Variants in CSMD1 observed in about 807,000 individuals in gnomAD.
The protein encoded by CSMD1 is CUB and sushi domain-containing protein 1.
CSMD1 carries 213 observed loss-of-function variants against 417.5 expected under a neutral mutation model. The observed-to-expected ratio is 0.51, with a 90% CI of 0.46 to 0.57. The LOEUF (loss-of-function observed/expected upper bound fraction) is 0.57, where lower values mean the gene tolerates loss of function less well. Among genes scored for constraint, CSMD1 ranks in the 20% least tolerant of loss-of-function variants. The pLI is 0.00. For synonymous variants in CSMD1, 2,862 were observed against 1,736.8 expected (o/e 1.65, Z -16.11); for missense variants, 6,923 against 4,529.7 (o/e 1.53, Z -15.17).
intron 1 of CSMD1, among the ~76,000 whole-genome samples, chr8:4,765,066 A>G (rs890690577): frequency 2.6e-5 from 4 of 152,132 alleles, no homozygotes; most frequent in African/African-American, 9.7e-5. Flanking sequence ...GCTATCACAC[A>G]GCATGAGGAA....
At chr8:4,180,943 T>C (rs1798336175) in intron 3 of CSMD1, among the ~76,000 whole-genome samples, 1 of 152,148 alleles carries the variant, frequency 6.6e-6, no homozygotes, top group Admixed American at 6.5e-5. Context: ...CCCCACTCTG[T>C]TAATTAAGCC....
intron 1 of CSMD1, among the ~76,000 whole-genome samples, chr8:4,833,157 C>T (rs1029381255): frequency 6.6e-6 from 1 of 152,104 alleles, no homozygotes; most frequent in African/African-American, 2.4e-5. Context: ...CTGTATTAGT[C>T]CATTCTCACA....
At chr8:4,072,172 A>G (rs1364364469) in intron 3 of CSMD1, among the ~76,000 whole-genome samples, 1 of 152,154 alleles carries the variant, frequency 6.6e-6, no homozygotes, top group Non-Finnish European at 1.5e-5. Flanking sequence ...TAGTGCTACT[A>G]GTTTCCAGGT....
chr8:3,625,924 AAG>A (rs1336374559), intron 7 of CSMD1, among the ~76,000 whole-genome samples: 1 of 152,246 alleles, frequency 6.6e-6, no homozygotes, highest in Non-Finnish European at 1.5e-5. Context: ...TAAATGTTCA[AAG>A]AGAAAATGTT....
At chr8:4,423,718 G>C (rs1446761640) in intron 2 of CSMD1, among the ~76,000 whole-genome samples, 1 of 145,414 alleles carries the variant, frequency 6.9e-6, no homozygotes, top group African/African-American at 2.5e-5. Context: ...TAAAATTTAT[G>C]TGGGAAGGCA....
At chr8:4,940,137 C>T (rs753627244) in intron 1 of CSMD1, among the ~76,000 whole-genome samples, 1 of 152,046 alleles carries the variant, frequency 6.6e-6, no homozygotes, top group Non-Finnish European at 1.5e-5. Context: ...CCTGTGAGAG[C>T]AGGGAGGGGT....
At chr8:4,378,792 T>C (rs562932191) in intron 3 of CSMD1, among the ~76,000 whole-genome samples, 27 of 152,298 alleles carry the variant, frequency 1.8e-4, no homozygotes, top group Non-Finnish European at 3.2e-4. Context: ...ACTGCCCTTG[T>C]AAGACGTCAA....
intron 2 of CSMD1, among the ~76,000 whole-genome samples, chr8:4,583,065 C>G (rs944122533): frequency 1.2e-4 from 18 of 152,304 alleles, no homozygotes; most frequent in Admixed American, 4.6e-4. Context: ...TGCCTTCCCG[C>G]GGGGCAGGGC....
chr8:4,179,913 A>C (rs888618469), intron 3 of CSMD1, among the ~76,000 whole-genome samples: 2 of 152,172 alleles, frequency 1.3e-5, no homozygotes, highest in African/African-American at 4.8e-5. Flanking sequence ...GCGATCATTA[A>C]AAAGTCAGGA....
chr8:4,816,990 C>A (rs149163926), intron 1 of CSMD1, among the ~76,000 whole-genome samples: 3 of 152,150 alleles, frequency 2.0e-5, no homozygotes, highest in East Asian at 1.9e-4. Context: ...CTGCACCAAA[C>A]ACAGATAAGA....
chr8:3,478,599 G>A (rs546449670), intron 11 of CSMD1, among the ~76,000 whole-genome samples: 39 of 152,224 alleles, frequency 2.6e-4, no homozygotes, highest in African/African-American at 8.4e-4. Flanking sequence ...ACAAACAGAA[G>A]GCCACTCCGA....
At chr8:4,910,302 C>T (rs1232057186) in intron 1 of CSMD1, among the ~76,000 whole-genome samples, 1 of 152,190 alleles carries the variant, frequency 6.6e-6, no homozygotes, top group East Asian at 1.9e-4. Context: ...TTGATTTATA[C>T]AACTTTATAA....
At chr8:4,606,052 G>T (rs1051825715) in intron 2 of CSMD1, among the ~76,000 whole-genome samples, 4 of 152,164 alleles carry the variant, frequency 2.6e-5, no homozygotes, top group African/African-American at 9.7e-5. Flanking sequence ...TTCTATTTTG[G>T]AAGCCTGAGA....
chr8:3,067,694 T>C (rs897741644), intron 49 of CSMD1, among the ~76,000 whole-genome samples: 5 of 151,204 alleles, frequency 3.3e-5, no homozygotes, highest in African/African-American at 1.2e-4. Context: ...CTAGATTGTA[T>C]ATGAAATATA....
chr8:3,188,036 TG>T, intron 35 of CSMD1, 71 bp from the exon 36 acceptor site: 3 of 1,171,582 alleles, frequency 2.6e-6, no homozygotes, highest in Non-Finnish European at 3.7e-6. Context: ...GATGGGGTTT[TG>T]GGGTTTTTCA....
chr8:3,591,444 G>C (rs1021150230), intron 8 of CSMD1, among the ~76,000 whole-genome samples: 1 of 152,258 alleles, frequency 6.6e-6, no homozygotes, highest in Admixed American at 6.5e-5. Context: ...GGTTCTCATA[G>C]AGCATAACTA....
At chr8:4,097,185 C>A (rs1050044948) in intron 3 of CSMD1, among the ~76,000 whole-genome samples, 2 of 152,098 alleles carry the variant, frequency 1.3e-5, no homozygotes, top group African/African-American at 4.8e-5. Flanking sequence ...GCTCAATAAG[C>A]AATTGCTGAT....
chr8:3,964,176 T>C (rs916450197), intron 5 of CSMD1, among the ~76,000 whole-genome samples: 11 of 152,194 alleles, frequency 7.2e-5, no homozygotes, highest in African/African-American at 2.2e-4. Context: ...TCTTAACAAG[T>C]AAACATTAAA....
chr8:4,973,860 G>T (rs1375868736), intron 1 of CSMD1, among the ~76,000 whole-genome samples: 1 of 152,056 alleles, frequency 6.6e-6, no homozygotes, highest in Non-Finnish European at 1.5e-5. Flanking sequence ...TCAAATCAAC[G>T]TGACAAATCC....
Sources: allele counts gnomAD v4.1 joint callset (sites outside exome capture counted in the v4.1 genomes callset), GRCh38; gene constraint gnomAD v4.1.1; transcripts MANE v1.5; gene names NCBI Gene and HGNC (gene_info 2026-07-23, HGNC 2026-07-21).